The following NR5A1 variants were observed in gnomAD, a reference collection of about 807,000 sequenced individuals.
NR5A1 encodes the protein steroidogenic factor 1.
A neutral mutation model predicts 42.7 loss-of-function variants in NR5A1; 6 were observed. The ratio of observed to expected loss-of-function variants is 0.14; its 90% confidence interval spans 0.08 to 0.28. NR5A1 has a LOEUF of 0.28. Ranked by LOEUF, NR5A1 falls within the 10% of genes least tolerant of loss-of-function variation. The probability of loss-of-function intolerance (pLI) is 1.00; values close to 1 mark genes in which losing one functional copy is unlikely to be tolerated. For synonymous variants in NR5A1, 274 were observed against 277.5 expected (o/e 0.99, Z 0.12); for missense variants, 442 against 626.4 (o/e 0.71, Z 3.14).
intron 6 of NR5A1, 45 bp downstream of exon 6, chr9:124,491,036 C>G: frequency 7.1e-7 from 1 of 1,401,602 alleles, no homozygotes; most frequent in Non-Finnish European, 9.6e-7. Flanking sequence ...CCCACCCACC[C>G]GCCTCTGGCT....
chr9:124,500,501 G>C lies in NR5A1; in HGVS notation c.459C>G (p.Ala153=), dbSNP rs764702508. Residue 153 remains alanine (A), a synonymous_variant, in exon 4 of 7, where the codon GCC becomes GCG. Transcript: ENST00000373588. This position sits in a 1 kb window ranked among gnomAD's most constrained non-coding sequence, Gnocchi z 6.9. The part of the protein sequence containing the change: ...SLHGPEPKGL[A]AGPPAGPLGD... ...CCAGTGGCCCAGCAGGTGGACCGGC[G>C]GCCAGGCCCTTGGGCTCAGGCCCAT... is the stretch of plus-strand genomic sequence containing the variant. 6.2e-7 allele frequency: 1 copy of C among 1,604,830 alleles called. No homozygotes were observed.
At chr9:124,484,627 A>G (rs956373377) in intron 6 of NR5A1, among the ~76,000 whole-genome samples, 1 of 152,032 alleles carries the variant, frequency 6.6e-6, no homozygotes, top group Non-Finnish European at 1.5e-5. Flanking sequence ...GGTGGCGCGC[A>G]CCTGTAATCC....
intron 6 of NR5A1, among the ~76,000 whole-genome samples, chr9:124,490,176 C>T (rs116215966): frequency 0.011 from 1,734 of 152,364 alleles, 28 homozygotes; most frequent in African/African-American, 0.039. Flanking sequence ...CCTCCAAAAC[C>T]CTGCTCAGAT....
At chr9:124,499,569 G>A (rs1417017228) in intron 4 of NR5A1, among the ~76,000 whole-genome samples, 1 of 152,318 alleles carries the variant, frequency 6.6e-6, no homozygotes, top group South Asian at 2.1e-4. Flanking sequence ...CCATCTGTGT[G>A]TGACACTGCC....
chr9:124,504,385 A>C (rs1416271038), intron 1 of NR5A1, among the ~76,000 whole-genome samples: 1 of 151,954 alleles, frequency 6.6e-6, no homozygotes, highest in East Asian at 1.9e-4. Flanking sequence ...CAGGAGGCGG[A>C]AAACGACGGC....
At chr9:124,490,084 T>A (rs1433760041) in intron 6 of NR5A1, among the ~76,000 whole-genome samples, 1 of 151,568 alleles carries the variant, frequency 6.6e-6, no homozygotes, top group South Asian at 2.1e-4. Flanking sequence ...CCTCTCCAGG[T>A]GATGAAGCAC....
intron 4 of NR5A1, among the ~76,000 whole-genome samples, chr9:124,497,704 A>T (rs959580312): frequency 6.6e-6 from 1 of 152,104 alleles, no homozygotes; most frequent in Admixed American, 6.5e-5. Context: ...CTGCCCAAGG[A>T]CCCACTCCTG....
intron 6 of NR5A1, among the ~76,000 whole-genome samples, chr9:124,486,472 G>A (rs909773995): frequency 3.9e-5 from 6 of 152,210 alleles, no homozygotes; most frequent in Admixed American, 2.6e-4. Flanking sequence ...AGTCTCCCAT[G>A]ATAGGCAAGC....
rs1251618919 is a variant in NR5A1, at chr9:124,503,543, C to G, written c.-15-133G>C. ...TGTGCCCAGGCGCTGCCGCCGGCAC[C>G]CACCGAGCGCCCCGCGCAGCGTCCC... On this transcript the variant is annotated intron_variant, in intron 1 of 6. Coordinates refer to ENST00000373588, the MANE Select transcript of NR5A1 (RefSeq NM_004959.5). This position sits in a 1 kb window ranked among gnomAD's most constrained non-coding sequence, Gnocchi z 9.6. 3.1e-6 allele frequency: 2 copies of G among 644,756 alleles called. No individual in the cohort carries two copies. Among genetic ancestry groups the G allele is most frequent in the Admixed American group, 4.2e-5 (1 of 23,994 alleles). 39.9% of individuals were successfully genotyped at this position (644,756 alleles called of 1,614,324 possible).
At chr9:124,505,493 C>G (rs891153435) in intron 1 of NR5A1, among the ~76,000 whole-genome samples, 9 of 152,164 alleles carry the variant, frequency 5.9e-5, no homozygotes, top group Non-Finnish European at 8.8e-5. Flanking sequence ...GGGTAGATGA[C>G]CGCTCTTCCT....
rs575090330 is a variant in NR5A1, at chr9:124,492,000, C to A, written c.991-772G>T. The stretch of plus-strand genomic sequence containing the variant: ...GCAGGCACCTGCGCTCACAGGGAGC[C>A]CCAAAGACACCCCCCTGGGACCAGT... On this transcript the variant is annotated intron_variant, in intron 5 of 6. Coordinates refer to ENST00000373588, the MANE Select transcript of NR5A1 (RefSeq NM_004959.5). Among the ~76,000 whole-genome samples, 12 of 152,258 alleles carry A rather than the reference C, an allele frequency of 7.9e-5. No homozygotes were observed. In the South Asian group the frequency reaches 2.5e-3, roughly 32 times the overall value.
At chr9:124,484,897 C>T (rs1367180552) in intron 6 of NR5A1, among the ~76,000 whole-genome samples, 3 of 152,176 alleles carry the variant, frequency 2.0e-5, no homozygotes, top group East Asian at 1.9e-4. Flanking sequence ...TTTGGCTCTG[C>T]GTGCACCAAT....
rs967132556 is a variant in NR5A1, at chr9:124,500,209, G to A, written c.751C>T (p.Pro251Ser). The change falls in exon 4 of 7, where the codon CCC (proline) becomes TCC (serine). Residue 251 changes from proline to serine, a missense_variant. This residue lies in a region of NR5A1 where 208 missense variants were observed against 203.8 expected (regional missense o/e 1.02). Transcript: ENST00000373588. This position sits in a 1 kb window ranked among gnomAD's most constrained non-coding sequence, Gnocchi z 6.9. ...GGCTGGTCGGGGCGGCTTTTGGTGG[G>A]CTCCTGCAGGCAGCCCAAGATGCGG... ...RARILGCLQE[P>S]TKSRPDQPAA... The A allele has an allele frequency of 6.2e-7, 1 of 1,608,972 alleles. No homozygotes were observed. The highest frequency in any genetic ancestry group is 8.5e-7 in the Non-Finnish European group (1 of 1,177,510).
chr9:124,482,909 C>G lies in NR5A1; in HGVS notation c.1235G>C (p.Cys412Ser). 6.2e-7 allele frequency: 1 copy of G among 1,614,212 alleles called. No individual in the cohort carries two copies. Among genetic ancestry groups the G allele is most frequent in the Non-Finnish European group, 8.5e-7 (1 of 1,180,040 alleles). ...CAGCAGCTGCTGGAATTTGTCCCCG[C>G]AGTGCGGGTAGTGGCACAGGGTGTA... ...LDYTLCHYPH[C>S]GDKFQQLLLC... is the part of the protein sequence containing the mutation. The change falls in exon 7 of 7, where the codon TGC (cysteine) becomes TCC (serine). Residue 412 changes from cysteine to serine, a missense_variant. Around this residue, in one of 3 missense-constraint regions of NR5A1, gnomAD observed 163 missense variants for 265.8 expected, o/e 0.61. Coordinates refer to ENST00000373588, the MANE Select transcript of NR5A1 (RefSeq NM_004959.5).
chr9:124,490,011 G>T (rs1832280475), intron 6 of NR5A1, among the ~76,000 whole-genome samples: 1 of 152,050 alleles, frequency 6.6e-6, no homozygotes, highest in South Asian at 2.1e-4. Context: ...CTCTCTGGCA[G>T]GCATGCCCCT....
intron 1 of NR5A1, among the ~76,000 whole-genome samples, chr9:124,506,154 G>A (rs1057128650): frequency 6.6e-5 from 10 of 152,204 alleles, no homozygotes; most frequent in African/African-American, 2.4e-4. Flanking sequence ...CGCGCAGACC[G>A]CACTCAGCTG....
intron 4 of NR5A1, 56 bp from the exon 5 acceptor site, chr9:124,493,205 C>T (rs1487612828): frequency 1.3e-6 from 2 of 1,570,404 alleles, no homozygotes; most frequent in Non-Finnish European, 1.7e-6. Flanking sequence ...AGGGACCTTC[C>T]TCTCACCCCT....
Position 124,491,156 on chromosome 9 carries a change from C to T in NR5A1, c.1063G>A (p.Val355Met), listed in dbSNP as rs371701248. The change falls in exon 6 of 7, where the codon GTG (valine) becomes ATG (methionine). Residue 355 changes from valine (V) to methionine (M), a missense_variant. By Grantham distance (21) the Val-to-Met change is conservative. Transcript: ENST00000373588. ...AGCTGCAGCGCAAGCAGCTGCAGCA[C>T]CAGCTCCTGCGCCCGCAACACCAGG... ...HSLVLRAQEL[V>M]LQLLALQLDR... 1.3e-4 allele frequency: 212 copies of T among 1,609,150 alleles called. 1 individual carries two copies. The highest frequency in any genetic ancestry group is 4.3e-4 in the South Asian group (39 of 90,314).
intron 6 of NR5A1, among the ~76,000 whole-genome samples, chr9:124,487,664 G>A (rs62581799): frequency 0.017 from 2,530 of 152,342 alleles, 33 homozygotes; most frequent in Middle Eastern, 0.054. Context: ...AAGCACTCGT[G>A]GCCAGGCTGT....
Sources: gnomAD v4.1 joint callset for allele counts (sites outside exome capture counted in the v4.1 genomes callset) on GRCh38, gnomAD v4.1.1 for gene constraint, gnomAD v4.1.1 regional missense constraint, Gnocchi (gnomAD v3.1) non-coding constraint, MANE v1.5 for transcripts, NCBI Gene and HGNC (gene_info 2026-07-23, HGNC 2026-07-21) for gene names.